Variants in GRAMD4 observed in about 807,000 individuals in gnomAD.
The protein encoded by GRAMD4 is GRAM domain containing 4, also known as GRAM domain-containing protein 4.
In GRAMD4, 25 loss-of-function variants were observed where a neutral mutation model predicts 83.9. That is an observed-to-expected ratio of 0.30 (90% confidence interval 0.22 to 0.42). GRAMD4 has a LOEUF of 0.42. GRAMD4 is among the 10% of genes least tolerant of loss of function. GRAMD4 has a pLI of 1.00. For synonymous variants in GRAMD4, 336 were observed against 320.9 expected (o/e 1.05, Z -0.50); for missense variants, 593 against 788.7 (o/e 0.75, Z 2.97).
chr22:46,661,619 C>T (rs1189372767), intron 5 of GRAMD4, among the ~76,000 whole-genome samples, 177 bp downstream of exon 5: 2 of 152,338 alleles, frequency 1.3e-5, no homozygotes, highest in East Asian at 1.9e-4. Flanking sequence ...AATCTCCTCC[C>T]GTCAGAACTG....
In GRAMD4 at chr22:46,622,108, G is replaced by A. The variant is rs1322546837; in HGVS notation, c.-50+1543G>A. On this transcript the variant is annotated intron_variant, in intron 1 of 18. Coordinates refer to ENST00000406902, the MANE Select transcript of GRAMD4 (RefSeq NM_015124.5). The surrounding 1 kb of genome is among the most constrained non-coding windows in gnomAD (Gnocchi z 4.0). ...ACGCATTGCATTCTGATGGTGACAG[G>A]CGGGACACTCAGGGCCTTTGTCCCC... 6.6e-6 allele frequency among the ~76,000 whole-genome samples: 1 copy of A among 152,190 alleles called. No homozygotes were observed. The highest frequency in any genetic ancestry group is 1.5e-5 in the Non-Finnish European group (1 of 68,032).
Position 46,583,039 on chromosome 22 carries a change from C to T in GRAMD4, c.-50+5749C>T, listed in dbSNP as rs183985577. Among the ~76,000 whole-genome samples the T allele has an allele frequency of 2.6e-3, 401 of 152,326 alleles. 2 individuals carry two copies. Among genetic ancestry groups the T allele is most frequent in the African/African-American group, 9.4e-3 (389 of 41,566 alleles). On this transcript the variant is annotated intron_variant, in intron 1 of 1. Coordinates refer to the GRAMD4 transcript ENST00000431155. ...TCCCGGGTTCAAGCGATTCTCCTAC[C>T]TCAGCCTCCCAAGTAGCTGGGGTGA...
chr22:46,633,901 G>A (rs1387623719), intron 2 of GRAMD4, among the ~76,000 whole-genome samples: 5 of 152,160 alleles, frequency 3.3e-5, no homozygotes, highest in Non-Finnish European at 7.3e-5. Context: ...CCGCCTTCCC[G>A]GTTAGAAAAT....
intron 1 of GRAMD4, among the ~76,000 whole-genome samples, chr22:46,623,411 A>G (rs1015175471): frequency 6.6e-6 from 1 of 151,956 alleles, no homozygotes; most frequent in Non-Finnish European, 1.5e-5. Context: ...TTTTTGACAC[A>G]GAGTCTCACG....
intron 13 of GRAMD4, among the ~76,000 whole-genome samples, chr22:46,671,880 T>G (rs2082512056): frequency 6.6e-6 from 1 of 152,180 alleles, no homozygotes; most frequent in Non-Finnish European, 1.5e-5. Context: ...AAAGTCTGAC[T>G]TGATTGATGA....
chr22:46,663,893 A>G (rs1470277739), intron 7 of GRAMD4, 30 bp downstream of exon 7: 3 of 1,612,022 alleles, frequency 1.9e-6, no homozygotes. Context: ...CGTGGCGCCC[A>G]CGATGCTCAG....
At chr22:46,605,357 T>C (rs1601546239) in intron 1 of GRAMD4, among the ~76,000 whole-genome samples, 1 of 152,264 alleles carries the variant, frequency 6.6e-6, no homozygotes, top group South Asian at 2.1e-4. Flanking sequence ...CATCTGTTCA[T>C]GAACACTTAG....
intron 1 of GRAMD4, among the ~76,000 whole-genome samples, chr22:46,624,477 C>T (rs1387429439): frequency 2.6e-5 from 4 of 151,604 alleles, no homozygotes; most frequent in Admixed American, 6.6e-5. Context: ...TACAGGTGCC[C>T]GCCACCACAC....
At position 46,583,879 on chromosome 22, in the gene GRAMD4, C is replaced by CT. The variant is rs1407313984; in HGVS notation, c.-50+6591dup. ...GAGGAGGTCACTACACGCGGCCACA[C>CT]TTAAGGGCTGGGGAGTCACGCCTGC... On this transcript the variant is annotated intron_variant, in intron 1 of 1. Coordinates refer to the GRAMD4 transcript ENST00000431155. Among the ~76,000 whole-genome samples, 9 of 152,280 alleles carry CT rather than the reference C, an allele frequency of 5.9e-5. No homozygotes were observed. In the South Asian group the frequency reaches 1.7e-3, roughly 28 times the overall value.
rs1263424948 is a variant in GRAMD4 at position 46,664,054 on chromosome 22, T to C, written c.654T>C (p.Phe218=). The C allele has an allele frequency of 3.7e-6, 6 of 1,613,464 alleles. No individual in the cohort carries two copies. In the African/African-American group the frequency reaches 8.0e-5, roughly 22 times the overall value. The change falls in exon 8 of 19, where the codon TTT becomes TTC. Residue 218 remains phenylalanine, a synonymous_variant. Coordinates refer to ENST00000406902, the MANE Select transcript of GRAMD4 (RefSeq NM_015124.5). Reference sequence around the variant, plus strand: ...GCGGTGCCAAGCCGGTCACTAACTTTGTGAAGAACCTCTCTGCCTTATCCG... The same window carrying C: ...GCGGTGCCAAGCCGGTCACTAACTTCGTGAAGAACCTCTCTGCCTTATCCG... ...LKRGAKPVTN[F]VKNLSALSDW... is the part of the protein sequence containing the mutation.
Position 46,677,413 on chromosome 22 carries a change from A to AC in GRAMD4, c.*164dup. The stretch of plus-strand genomic sequence containing the variant: ...TTGTGTTGACCTCTGCGTTTTATCG[A>AC]CCAAGAAGGGGCCAGGGCTCACAGG... On this transcript the variant is annotated 3_prime_UTR_variant, in exon 19 of 19. Transcript: ENST00000406902. The AC allele has an allele frequency of 7.3e-7, 1 of 1,372,528 alleles. No homozygotes were observed. Among genetic ancestry groups the AC allele is most frequent in the Non-Finnish European group, 9.4e-7 (1 of 1,062,894 alleles). The allele number at this position is 1,372,528 out of a possible 1,614,324, so 85.0% of individuals were successfully genotyped here.
chr22:46,603,521 T>G (rs1422902751), intron 1 of GRAMD4, among the ~76,000 whole-genome samples: 25 of 102,524 alleles, frequency 2.4e-4, no homozygotes, highest in African/African-American at 1.0e-3. Flanking sequence ...TTCTCTTTTT[T>G]TTTTTTTTTT....
chr22:46,666,901 C>T (rs1464677055), intron 10 of GRAMD4, 28 bp downstream of exon 10: 16 of 1,494,328 alleles, frequency 1.1e-5, no homozygotes, highest in Non-Finnish European at 1.4e-5. Flanking sequence ...GCACGGTCTC[C>T]TCCGACTGTC....
intron 3 of GRAMD4, among the ~76,000 whole-genome samples, chr22:46,646,017 C>T (rs1001820214): frequency 1.3e-5 from 2 of 152,124 alleles, no homozygotes; most frequent in Admixed American, 6.5e-5. Context: ...TGAGGACCCT[C>T]GGGGCCAGGG....
intron 4 of GRAMD4, among the ~76,000 whole-genome samples, chr22:46,660,049 C>G (rs940510019): frequency 1.3e-5 from 2 of 152,196 alleles, no homozygotes; most frequent in Non-Finnish European, 2.9e-5. Context: ...CCCCGTGGCC[C>G]TGCTCCCTGT....
At chr22:46,627,021 C>T (rs1441388458) in intron 2 of GRAMD4, 60 bp downstream of exon 2, 61 of 1,252,444 alleles carry the variant, frequency 4.9e-5, no homozygotes, top group Non-Finnish European at 6.6e-5. Context: ...CCTCTGTGGC[C>T]GGGCCAAGCG....
At position 46,679,042 on chromosome 22, in the gene GRAMD4, C is replaced by G; in HGVS notation, c.*1791C>G. ...GTGCACCAGGGGAGGGGGACATATC[C>G]CAGTGAACCCCACCTTGGCGCCTGA... On this transcript the variant is annotated 3_prime_UTR_variant, in exon 19 of 19. Coordinates refer to ENST00000406902, the MANE Select transcript of GRAMD4 (RefSeq NM_015124.5). 1.0e-6 allele frequency: 1 copy of G among 985,658 alleles called. No individual in the cohort carries two copies. Among genetic ancestry groups the G allele is most frequent in the Non-Finnish European group, 1.2e-6 (1 of 829,964 alleles). The allele number at this position is 985,658 out of a possible 1,614,324, so 61.1% of individuals were successfully genotyped here. A position where few individuals can be genotyped will look rare whatever the true frequency, so the allele number is the denominator to read the frequency against.
chr22:46,677,476 C>T lies in GRAMD4; in HGVS notation c.*225C>T, dbSNP rs2082616646. The T allele has an allele frequency of 1.0e-5, 13 of 1,299,358 alleles. No homozygotes were observed. The highest frequency in any genetic ancestry group is 1.1e-5 in the Non-Finnish European group (11 of 1,020,928). The allele number at this position is 1,299,358 out of a possible 1,614,324, so 80.5% of individuals were successfully genotyped here. On this transcript the variant is annotated 3_prime_UTR_variant, in exon 19 of 19. Transcript: ENST00000406902. ...CCTCTCCCACAGGGCACGTCAGGTGCCTCTGAGGGCCACCCGCAGACTGGG... is the reference window on the plus strand; with the variant it reads ...CCTCTCCCACAGGGCACGTCAGGTGTCTCTGAGGGCCACCCGCAGACTGGG...
intron 3 of GRAMD4, among the ~76,000 whole-genome samples, chr22:46,657,837 C>T (rs369267026): frequency 3.5e-4 from 53 of 152,324 alleles, no homozygotes; most frequent in African/African-American, 1.1e-3. Flanking sequence ...GCGTCCTTTC[C>T]GCAGGTGTCC....
Sources: allele counts gnomAD v4.1 joint callset (sites outside exome capture counted in the v4.1 genomes callset), GRCh38; gene constraint gnomAD v4.1.1; non-coding constraint Gnocchi (gnomAD v3.1); transcripts MANE v1.5; gene names NCBI Gene and HGNC (gene_info 2026-07-23, HGNC 2026-07-21).